The following KAT5 variants were observed in gnomAD, a reference collection of about 807,000 sequenced individuals.
KAT5 encodes the protein lysine acetyltransferase 5.
KAT5 carries 31 observed loss-of-function variants against 68.1 expected under a neutral mutation model. The ratio of observed to expected loss-of-function variants is 0.46; its 90% CI spans 0.34 to 0.61. KAT5 has a LOEUF of 0.61. KAT5 is among the 20% of genes least tolerant of loss of function. The probability of loss-of-function intolerance (pLI) is 0.01; values close to 1 mark genes in which losing one functional copy is unlikely to be tolerated. For synonymous variants in KAT5, 365 were observed against 292.6 expected, an observed-to-expected ratio of 1.25 and a Z score of -2.52; for missense variants, 451 against 725.5, an observed-to-expected ratio of 0.62 and a Z score of 4.35.
At chr11:65,712,682 G>C (rs547897773) in intron 1 of KAT5, 84 bp from the exon 2 acceptor site, 6 of 1,510,982 alleles carry the variant, frequency 4.0e-6, no homozygotes, top group Non-Finnish European at 2.8e-6. Context: ...TAGGGATCCG[G>C]CCTGGGGGTG....
intron 10 of KAT5, 176 bp downstream of exon 10, chr11:65,717,158 G>A: frequency 1.6e-6 from 1 of 616,576 alleles, no homozygotes; most frequent in Non-Finnish European, 2.9e-6. Flanking sequence ...TGACTGCCCT[G>A]CTTATCTGGG....
chr11:65,712,517 G>C (rs1338729642), intron 1 of KAT5, 72 bp downstream of exon 1: 2 of 1,515,362 alleles, frequency 1.3e-6, no homozygotes, highest in Middle Eastern at 1.7e-4. Context: ...ATCCCGGGAT[G>C]GGGAGGGGCG....
chr11:65,719,052 G>A lies in KAT5; in HGVS notation c.1512G>A (p.Gln504=), dbSNP rs1459863884. ...AACCCATCTCCTCTGCCCAGGGCCA[G>A]TACATCCTCACACTGTCAGAGGACA... ...YLNLINYYKG[Q]YILTLSEDIV... Residue 504 remains glutamine, a synonymous_variant, in exon 13 of 13, where the codon CAG becomes CAA. Transcript: ENST00000341318. 1 of 1,614,180 alleles carries A rather than the reference G, an allele frequency of 6.2e-7. No individual in the cohort carries two copies. The highest frequency in any genetic ancestry group is 1.1e-5 in the South Asian group (1 of 91,070).
rs1857100723 is a variant in KAT5 at position 65,713,642 on chromosome 11, C to T, written c.590C>T (p.Thr197Ile). The T allele has an allele frequency of 6.2e-7, 1 of 1,614,060 alleles. No homozygotes were observed. The highest frequency in any genetic ancestry group is 1.3e-5 in the African/African-American group (1 of 74,908). The change falls in exon 5 of 13, where the codon ACA (threonine) becomes ATA (isoleucine). Residue 197 changes from threonine (T) to isoleucine (I), a missense_variant. By Grantham distance (89) the Thr-to-Ile change is moderately conservative. Coordinates refer to ENST00000341318, the MANE Select transcript of KAT5 (RefSeq NM_182710.3). ...CCAGCAACTCCAGTGCCCAGCGAGA[C>T]AGCCCCGGCCTCGGTTTTTCCCCAG... is the stretch of plus-strand genomic sequence containing the variant. Reference protein sequence around the residue: ...VSPATPVPSETAPASVFPQNG... With the variant: ...VSPATPVPSEIAPASVFPQNG...
chr11:65,712,408 C>A lies in KAT5; in HGVS notation c.141C>A (p.Pro47=), dbSNP rs765520391. 1.3e-6 allele frequency: 2 copies of A among 1,588,968 alleles called. No individual in the cohort carries two copies. The highest frequency in any genetic ancestry group is 1.7e-6 in the Non-Finnish European group (2 of 1,173,090). ...AGATAATCGAGGGCTGCCGCCTACC[C>A]GTGCTGCGGCGGAACCAGGACAACG... ...QGEIIEGCRL[P]VLRRNQDNED... The change falls in exon 1 of 13, where the codon CCC becomes CCA. Residue 47 remains proline, a synonymous_variant. Coordinates refer to ENST00000341318, the MANE Select transcript of KAT5 (RefSeq NM_182710.3).
At chr11:65,713,303 C>T in intron 3 of KAT5, 45 bp from the exon 4 acceptor site, 3 of 1,596,834 alleles carry the variant, frequency 1.9e-6, no homozygotes, top group Non-Finnish European at 2.6e-6. Flanking sequence ...CCCCATCCCA[C>T]TGCCATCCCC....
chr11:65,716,379 G>C, intron 8 of KAT5: 1 of 428,176 alleles, frequency 2.3e-6, no homozygotes, highest in Admixed American at 3.7e-5. Context: ...GGTCTCTCCT[G>C]GTCAGGCTTA....
In KAT5 at chr11:65,712,964, A is replaced by C; in HGVS notation, c.290A>C (p.Asp97Ala). The C allele has an allele frequency of 6.2e-7, 1 of 1,614,116 alleles. No individual in the cohort carries two copies. Among genetic ancestry groups the C allele is most frequent in the Non-Finnish European group, 8.5e-7 (1 of 1,180,018 alleles). ...LDEWVTHERLDLKKIQFPKKE... is the reference protein window; with the variant it reads ...LDEWVTHERLALKKIQFPKKE... Reference sequence around the variant, plus strand: ...GAATGGGTGACGCATGAGCGGCTGGACCTAAAGAAGATCCAGTTCCCCAAG... The same window carrying C: ...GAATGGGTGACGCATGAGCGGCTGGCCCTAAAGAAGATCCAGTTCCCCAAG... Residue 97 changes from aspartate (D) to alanine (A), a missense_variant, in exon 3 of 13, where the codon GAC becomes GCC. Around this residue, in one of 4 missense-constraint regions of KAT5, gnomAD observed 135 missense variants for 173.4 expected, o/e 0.78. Transcript: ENST00000341318.
intron 8 of KAT5, chr11:65,716,431 G>C (rs1249197105): frequency 3.6e-6 from 2 of 553,400 alleles, no homozygotes; most frequent in East Asian, 6.0e-5. Flanking sequence ...TTGCCTGACT[G>C]AGCAGGGAGG....
At chr11:65,715,020 T>G in intron 8 of KAT5, 110 bp downstream of exon 8, 1 of 917,114 alleles carries the variant, frequency 1.1e-6, no homozygotes, top group Non-Finnish European at 1.8e-6. Flanking sequence ...CCCATTTTTA[T>G]TGAGTTCCTG....
Position 65,718,935 on chromosome 11 carries a change from A to C in KAT5, c.1487A>C (p.Asn496Thr). Reference sequence around the variant, plus strand: ...GTCATCTCCACTCTGCAGTACCTCAATCTCATCAACTACTACAAGGTAGGG... The same window carrying C: ...GTCATCTCCACTCTGCAGTACCTCACTCTCATCAACTACTACAAGGTAGGG... ...EDVISTLQYL[N>T]LINYYKGQYI... The change falls in exon 12 of 13, where the codon AAT becomes ACT. Residue 496 changes from asparagine (N) to threonine (T), a missense_variant. By Grantham distance (65) the Asn-to-Thr change is moderately conservative (BLOSUM62 0). Around this residue, in one of 4 missense-constraint regions of KAT5, gnomAD observed 210 missense variants for 423.7 expected, o/e 0.50. Coordinates refer to ENST00000341318, the MANE Select transcript of KAT5 (RefSeq NM_182710.3). 1 of 1,614,184 alleles carries C rather than the reference A, an allele frequency of 6.2e-7. No homozygotes were observed. The highest frequency in any genetic ancestry group is 1.3e-5 in the African/African-American group (1 of 75,052).
Position 65,713,858 on chromosome 11 carries a change from G to A in KAT5, c.690+10G>A, listed in dbSNP as rs1565207534. 2 of 1,567,434 alleles carry A rather than the reference G, an allele frequency of 1.3e-6. No homozygotes were observed. Among genetic ancestry groups the A allele is most frequent in the Non-Finnish European group, 1.7e-6 (2 of 1,155,398 alleles). ...TTTGGGCACTGATGAGGTGGGTCTG[G>A]GGAGCAGCAGAAGGGAACTGGGTGA... On this transcript the variant is annotated intron_variant, in intron 6 of 12. Coordinates refer to ENST00000341318, the MANE Select transcript of KAT5 (RefSeq NM_182710.3).
upstream of KAT5, chr11:65,712,240 G>A (rs1191140052): frequency 7.8e-6 from 11 of 1,402,630 alleles, no homozygotes; most frequent in African/African-American, 1.5e-5. Flanking sequence ...TCCCAGAGGG[G>A]CCGGAAGTGG....
chr11:65,712,631 G>A, intron 1 of KAT5, 135 bp from the exon 2 acceptor site: 1 of 1,245,352 alleles, frequency 8.0e-7, no homozygotes, highest in Non-Finnish European at 1.2e-6. Context: ...GGTGGCACTT[G>A]TGACTGAAGG....
rs761775144 is a variant in KAT5 at position 65,712,371 on chromosome 11, C to T, written c.104C>T (p.Ser35Phe). The part of the protein sequence containing the change: ...PPVADPGVAL[S>F]PQGEIIEGCR... ...GTAGCCGACCCTGGCGTCGCGCTGT[C>T]TCCCCAGGGGGAGATAATCGAGGGC... Residue 35 changes from serine to phenylalanine, a missense_variant, in exon 1 of 13, where the codon TCT becomes TTT. Ser to Phe is a radical substitution (Grantham distance 155). Transcript: ENST00000341318. 6.5e-7 allele frequency: 1 copy of T among 1,546,744 alleles called. No individual in the cohort carries two copies. Among genetic ancestry groups the T allele is most frequent in the Non-Finnish European group, 8.6e-7 (1 of 1,156,678 alleles).
At position 65,713,514 on chromosome 11, in the gene KAT5, CA is replaced by C. The variant is rs769915105; in HGVS notation, c.540+13del. On this transcript the variant is annotated intron_variant, in intron 4 of 12. Coordinates refer to ENST00000341318, the MANE Select transcript of KAT5 (RefSeq NM_182710.3). ...AACCACCGCTCAACGGTACCCTCAG[CA>C]ATTCCAGGGACCTTGCTTTCTTCTC... 1.2e-6 allele frequency: 2 copies of C among 1,614,154 alleles called. No individual in the cohort carries two copies. Among genetic ancestry groups the C allele is most frequent in the African/African-American group, 2.7e-5 (2 of 75,048 alleles).
chr11:65,713,916 T>C, intron 6 of KAT5, 68 bp downstream of exon 6: 1 of 1,371,158 alleles, frequency 7.3e-7, no homozygotes, highest in Middle Eastern at 1.8e-4. Flanking sequence ...TGGAGAGTTA[T>C]TTAGTGATGA....
Position 65,712,383 on chromosome 11 carries a change from A to G in KAT5, c.116A>G (p.Glu39Gly). The change falls in exon 1 of 13, where the codon GAG (glutamate) becomes GGG (glycine). Residue 39 changes from glutamate (E) to glycine (G), a missense_variant. By Grantham distance (98) the Glu-to-Gly change is moderately conservative. Transcript: ENST00000341318. ...DPGVALSPQG[E>G]IIEGCRLPVL... ...GGCGTCGCGCTGTCTCCCCAGGGGG[A>G]GATAATCGAGGGCTGCCGCCTACCC... 6.3e-7 allele frequency: 1 copy of G among 1,577,432 alleles called. No homozygotes were observed. Among genetic ancestry groups the G allele is most frequent in the East Asian group, 2.3e-5 (1 of 43,108 alleles).
At chr11:65,715,611 A>T (rs1857164325) in intron 8 of KAT5, among the ~76,000 whole-genome samples, 1 of 151,990 alleles carries the variant, frequency 6.6e-6, no homozygotes, top group Admixed American at 6.6e-5. Context: ...AGTACAAAAA[A>T]TTAGCTGGGC....
Sources: gnomAD v4.1 joint callset for allele counts (sites outside exome capture counted in the v4.1 genomes callset) on GRCh38, gnomAD v4.1.1 for gene constraint, gnomAD v4.1.1 regional missense constraint, MANE v1.5 for transcripts, NCBI Gene and HGNC (gene_info 2026-07-23, HGNC 2026-07-21) for gene names.